FBXL20: variants seen among roughly 807,000 people sequenced by gnomAD.
FBXL20 encodes F-box and leucine rich repeat protein 20, also known as F-box/LRR-repeat protein 20.
Under a neutral mutation model 64.0 loss-of-function variants are expected in FBXL20, and 11 were observed. The ratio of observed to expected loss-of-function variants is 0.17; its 90% CI spans 0.11 to 0.28. The LOEUF is 0.28. Among genes scored for constraint, FBXL20 ranks in the 10% least tolerant of loss-of-function variants. The pLI is 1.00. For synonymous variants in FBXL20, 184 were observed against 189.0 expected, an observed-to-expected ratio of 0.97 and a Z score of 0.22; for missense variants, 303 against 526.2, an observed-to-expected ratio of 0.58 and a Z score of 4.15.
chr17:39,307,626 C>T (rs1346969632), intron 2 of FBXL20, among the ~76,000 whole-genome samples: 2 of 152,058 alleles, frequency 1.3e-5, no homozygotes, highest in Non-Finnish European at 2.9e-5. Context: ...GCATTCCCAT[C>T]TTATAGATGA....
intron 1 of FBXL20, among the ~76,000 whole-genome samples, chr17:39,389,382 A>G (rs1051043773): frequency 6.6e-6 from 1 of 152,226 alleles, no homozygotes; most frequent in African/African-American, 2.4e-5. Context: ...TTTTCTTTAC[A>G]TGAAACACAT....
intron 1 of FBXL20, among the ~76,000 whole-genome samples, chr17:39,346,129 C>G (rs1316821693): frequency 6.6e-6 from 1 of 151,736 alleles, no homozygotes; most frequent in Non-Finnish European, 1.5e-5. Context: ...CAAGACCAGC[C>G]TGGGCAATAT....
chr17:39,274,337 G>A (rs1479365787), intron 10 of FBXL20, among the ~76,000 whole-genome samples: 1 of 152,298 alleles, frequency 6.6e-6, no homozygotes, highest in East Asian at 1.9e-4. Context: ...CCAGGAGATT[G>A]AGGCAGGCAT....
At chr17:39,332,791 T>C (rs548901074) in intron 2 of FBXL20, among the ~76,000 whole-genome samples, 2 of 152,198 alleles carry the variant, frequency 1.3e-5, no homozygotes, top group East Asian at 1.9e-4. Context: ...TCTGCCCACC[T>C]TGGCCTCCCA....
chr17:39,303,711 G>A, intron 2 of FBXL20, 72 bp from the exon 3 acceptor site: 2 of 1,356,342 alleles, frequency 1.5e-6, no homozygotes, highest in Non-Finnish European at 1.0e-6. Flanking sequence ...TTTTGAGACA[G>A]GGTCTCACTC....
intron 1 of FBXL20, among the ~76,000 whole-genome samples, chr17:39,379,334 T>A (rs2048000409): frequency 6.6e-6 from 1 of 151,936 alleles, no homozygotes; most frequent in Non-Finnish European, 1.5e-5. Context: ...TACAATGATG[T>A]AACTGCTGTG....
At chr17:39,300,678 CAA>C (rs1187262349) in intron 4 of FBXL20, among the ~76,000 whole-genome samples, 1 of 152,090 alleles carries the variant, frequency 6.6e-6, no homozygotes, top group Non-Finnish European at 1.5e-5. Context: ...CCTCAGTAAA[CAA>C]ATATAAAATG....
intron 1 of FBXL20, among the ~76,000 whole-genome samples, chr17:39,360,914 TACATGTATTAATACATG>T (rs1160067465): frequency 2.6e-5 from 4 of 152,216 alleles, no homozygotes; most frequent in Non-Finnish European, 5.9e-5. Context: ...CCAGTTAGTC[TACATGTATTAATACATG>T]ACATGGGTCA....
chr17:39,287,460 T>C (rs746775272), intron 6 of FBXL20, among the ~76,000 whole-genome samples: 8 of 152,156 alleles, frequency 5.3e-5, no homozygotes, highest in Non-Finnish European at 1.0e-4. Context: ...CTGGCTGGAA[T>C]GCAGTGGCAC....
chr17:39,261,507 C>A lies in FBXL20; in HGVS notation c.1264G>T (p.Val422Leu). ...YFAPVTPPPS[V>L]GGSRQRFCRC... Reference sequence around the variant, plus strand: ...CAGAAGCGCTGTCTGCTGCCCCCTACTGATGGGGGTGGAGTGACAGGTGCG... The same window carrying A: ...CAGAAGCGCTGTCTGCTGCCCCCTAATGATGGGGGTGGAGTGACAGGTGCG... Residue 422 changes from valine (V) to leucine (L), a missense_variant, in exon 15 of 15, where the codon GTA (valine) becomes TTA (leucine). Physicochemically the swap from Val to Leu is conservative, Grantham distance 32. This residue lies in a region of FBXL20 where 56 missense variants were observed against 86.0 expected (regional missense o/e 0.65). Transcript: ENST00000264658. 1 of 1,614,078 alleles carries A rather than the reference C, an allele frequency of 6.2e-7. No homozygotes were observed. The highest frequency in any genetic ancestry group is 8.5e-7 in the Non-Finnish European group (1 of 1,179,950).
At chr17:39,336,131 G>A (rs925594809) in intron 2 of FBXL20, among the ~76,000 whole-genome samples, 1 of 151,068 alleles carries the variant, frequency 6.6e-6, no homozygotes, top group Admixed American at 6.6e-5. Flanking sequence ...GAGGGGAGGG[G>A]AAGGGAGGGG....
chr17:39,393,299 AT>A (rs562121887), intron 1 of FBXL20, among the ~76,000 whole-genome samples: 123 of 151,862 alleles, frequency 8.1e-4, no homozygotes, highest in African/African-American at 2.8e-3. Flanking sequence ...GGAAAAAAAA[AT>A]AATAAATAAT....
intron 3 of FBXL20, among the ~76,000 whole-genome samples, chr17:39,302,373 G>A (rs1189304594): frequency 7.5e-6 from 1 of 133,724 alleles, no homozygotes; most frequent in Admixed American, 7.7e-5. Flanking sequence ...ACCGCATTTG[G>A]CTTTTTTTTT....
rs11362087 is a variant in FBXL20 at position 39,271,597 on chromosome 17, C to CAA, written c.828-743_828-742dup. Among the ~76,000 whole-genome samples the CAA allele has an allele frequency of 5.6e-3, 286 of 50,782 alleles. 10 individuals carry two copies. Among genetic ancestry groups the CAA allele is most frequent in the South Asian group, 0.027 (21 of 774 alleles). The allele number at this position is 50,782 out of a possible 152,430, so 33.3% of individuals were successfully genotyped here. A position where few individuals can be genotyped will look rare whatever the true frequency, so the allele number is the denominator to read the frequency against. ...TGGGTGACAGAGCAAGGCTCCGACT[C>CAA]AAAAAAAAAAAAAAAAAAAAAAAAA... On this transcript the variant is annotated intron_variant, in intron 10 of 14. Transcript: ENST00000264658.
chr17:39,308,567 A>T (rs2047204094), intron 2 of FBXL20, among the ~76,000 whole-genome samples: 1 of 123,770 alleles, frequency 8.1e-6, no homozygotes. Flanking sequence ...TTAATACAAT[A>T]ATTTTTTTTT....
chr17:39,303,944 A>C (rs1055823986), intron 2 of FBXL20, among the ~76,000 whole-genome samples: 1 of 152,120 alleles, frequency 6.6e-6, no homozygotes, highest in Admixed American at 6.6e-5. Flanking sequence ...CCAAATTGCT[A>C]GGATTACAGG....
At chr17:39,393,510 T>C (rs568415962) in intron 1 of FBXL20, among the ~76,000 whole-genome samples, 5 of 152,268 alleles carry the variant, frequency 3.3e-5, no homozygotes, top group African/African-American at 9.6e-5. Context: ...CTTAGCACCA[T>C]AGTAATGCCT....
chr17:39,284,456 C>T (rs1022922688), intron 7 of FBXL20, among the ~76,000 whole-genome samples: 1 of 152,338 alleles, frequency 6.6e-6, no homozygotes, highest in South Asian at 2.1e-4. Flanking sequence ...TTACAGCTCA[C>T]TGCAGCCTCA....
At chr17:39,358,626 G>A (rs1307270342) in intron 1 of FBXL20, among the ~76,000 whole-genome samples, 1 of 151,924 alleles carries the variant, frequency 6.6e-6, no homozygotes, top group Non-Finnish European at 1.5e-5. Flanking sequence ...GGGTTGCAGT[G>A]AGCTGAGATC....
Sources: gnomAD v4.1 joint callset for allele counts (sites outside exome capture counted in the v4.1 genomes callset) on GRCh38, gnomAD v4.1.1 for gene constraint, gnomAD v4.1.1 regional missense constraint, MANE v1.5 for transcripts, NCBI Gene and HGNC (gene_info 2026-07-23, HGNC 2026-07-21) for gene names.